DCLK1: variants seen among roughly 807,000 people sequenced by gnomAD.
DCLK1 encodes doublecortin like kinase 1, also known as serine/threonine-protein kinase DCLK1.
A neutral mutation model predicts 86.2 loss-of-function variants in DCLK1; 16 were observed. The ratio of observed to expected loss-of-function variants is 0.19; its 90% CI spans 0.13 to 0.28. DCLK1 has a LOEUF of 0.28. Among genes scored for constraint, DCLK1 ranks in the 10% least tolerant of loss-of-function variants. The pLI, the probability that DCLK1 is intolerant of heterozygous loss-of-function variation, is 1.00. For synonymous variants in DCLK1, 369 were observed against 370.5 expected, an observed-to-expected ratio of 1.00 and a Z score of 0.05; for missense variants, 590 against 940.2, an observed-to-expected ratio of 0.63 and a Z score of 4.87.
chr13:35,895,325 G>C (rs1257518841), intron 4 of DCLK1, among the ~76,000 whole-genome samples: 3 of 151,884 alleles, frequency 2.0e-5, no homozygotes, highest in Non-Finnish European at 4.4e-5. Context: ...TCACTGGATG[G>C]ATTTTAAAGT....
intron 3 of DCLK1, among the ~76,000 whole-genome samples, chr13:35,985,172 C>T (rs560005712): frequency 6.6e-6 from 1 of 152,266 alleles, no homozygotes; most frequent in East Asian, 1.9e-4. Flanking sequence ...GACCTGCTAC[C>T]AGCTCACTTC....
At chr13:35,858,381 C>T (rs1871198681) in intron 5 of DCLK1, among the ~76,000 whole-genome samples, 2 of 152,218 alleles carry the variant, frequency 1.3e-5, no homozygotes, top group African/African-American at 4.8e-5. Context: ...AACATCAGTT[C>T]TGCCATGTAA....
chr13:35,958,129 C>CCA lies in DCLK1; in HGVS notation c.724-10673_724-10672insTG, dbSNP rs1566620576. On this transcript the variant is annotated intron_variant, in intron 3 of 16. Transcript: ENST00000360631. ...ACCACCATCACCACCACCACTACCA[C>CCA]TACTATAACCACCACCACCACCACT... Among the ~76,000 whole-genome samples the CCA allele has an allele frequency of 2.9e-4, 13 of 45,078 alleles. 1 individual carries two copies. Among genetic ancestry groups the CCA allele is most frequent in the African/African-American group, 2.0e-3 (10 of 4,996 alleles). The allele number at this position is 45,078 out of a possible 152,430, so 29.6% of individuals were successfully genotyped here. A position where few individuals can be genotyped will look rare whatever the true frequency, so the allele number is the denominator to read the frequency against.
intron 3 of DCLK1, among the ~76,000 whole-genome samples, chr13:35,981,394 ACCT>A (rs1217077600): frequency 5.9e-5 from 9 of 151,988 alleles, no homozygotes; most frequent in Non-Finnish European, 1.2e-4. Context: ...TTTCCCATAG[ACCT>A]CCTGTCCCCA....
At chr13:35,776,652 G>A (rs1225189471) in intron 16 of DCLK1, among the ~76,000 whole-genome samples, 1 of 152,194 alleles carries the variant, frequency 6.6e-6, no homozygotes, top group Non-Finnish European at 1.5e-5. Flanking sequence ...AAACAGCCAA[G>A]ACTCCCAGAA....
At chr13:35,860,679 C>T (rs1378961099) in intron 5 of DCLK1, among the ~76,000 whole-genome samples, 1 of 152,156 alleles carries the variant, frequency 6.6e-6, no homozygotes. Context: ...TCAACATTTA[C>T]CCAGTAGTTA....
At chr13:36,072,851 G>A (rs77428873) in intron 3 of DCLK1, among the ~76,000 whole-genome samples, 2,852 of 152,192 alleles carry the variant, frequency 0.019, 34 homozygotes, top group Non-Finnish European at 0.029. Flanking sequence ...AGTTTCTATA[G>A]AACTGGAAAT....
Position 36,080,208 on chromosome 13 carries a change from A to C in DCLK1, c.723+31661T>G, listed in dbSNP as rs9602106. On this transcript the variant is annotated intron_variant, in intron 3 of 16. Coordinates refer to ENST00000360631, the MANE Select transcript of DCLK1 (RefSeq NM_001330071.2). ...AGTTAATGAAGAAGGAAGGTGAGAA[A>C]GGAGAGCAAGGCCTAGCTTGTGCGG... 2.6e-3 allele frequency among the ~76,000 whole-genome samples: 397 copies of C among 152,304 alleles called. 1 individual carries two copies. Among genetic ancestry groups the C allele is most frequent in the African/African-American group, 9.0e-3 (373 of 41,558 alleles).
intron 3 of DCLK1, among the ~76,000 whole-genome samples, chr13:35,987,263 A>T (rs1879966408): frequency 6.6e-6 from 1 of 152,120 alleles, no homozygotes; most frequent in African/African-American, 2.4e-5. Flanking sequence ...CTCTACTAAA[A>T]AAAATACAAA....
chr13:35,912,906 T>G (rs1875132228), intron 4 of DCLK1, among the ~76,000 whole-genome samples: 2 of 152,152 alleles, frequency 1.3e-5, no homozygotes, highest in South Asian at 4.1e-4. Context: ...GAGCCCCACC[T>G]GGTCTGGCTG....
At chr13:35,830,370 G>A (rs935991657) in intron 8 of DCLK1, among the ~76,000 whole-genome samples, 27 of 152,094 alleles carry the variant, frequency 1.8e-4, no homozygotes, top group Non-Finnish European at 3.1e-4. Context: ...CAGCCTGGGC[G>A]ACAGAGAAAT....
chr13:36,044,437 T>C (rs886471252), intron 3 of DCLK1, among the ~76,000 whole-genome samples: 31 of 152,168 alleles, frequency 2.0e-4, no homozygotes, highest in African/African-American at 7.2e-4. Context: ...CATTCAACCC[T>C]ACCTAATGCA....
chr13:36,067,889 T>C (rs114510494), intron 3 of DCLK1, among the ~76,000 whole-genome samples: 257 of 152,262 alleles, frequency 1.7e-3, no homozygotes, highest in African/African-American at 6.0e-3. Flanking sequence ...AGAACACTAA[T>C]CTGCTTTGTT....
intron 2 of DCLK1, among the ~76,000 whole-genome samples, chr13:36,118,953 A>G (rs1040111358): frequency 1.3e-5 from 2 of 152,180 alleles, no homozygotes; most frequent in Non-Finnish European, 2.9e-5. Flanking sequence ...TGAAGCAATG[A>G]ATCCCATTCA....
intron 3 of DCLK1, among the ~76,000 whole-genome samples, chr13:36,102,702 A>G (rs945811459): frequency 6.6e-6 from 1 of 152,222 alleles, no homozygotes; most frequent in East Asian, 1.9e-4. Flanking sequence ...GAAAAATGTG[A>G]CTTTTTTTCT....
chr13:35,961,908 G>A (rs768717548), intron 3 of DCLK1, among the ~76,000 whole-genome samples: 3 of 152,048 alleles, frequency 2.0e-5, no homozygotes, highest in South Asian at 4.1e-4. Flanking sequence ...GGTTAAAATC[G>A]TCATACATGA....
At position 35,854,573 on chromosome 13, in the gene DCLK1, G is replaced by A; in HGVS notation, c.961C>T (p.Gln321Ter). The A allele has an allele frequency of 6.3e-7, 1 of 1,599,456 alleles. No homozygotes were observed. The change falls in exon 6 of 17, where the codon CAG (glutamine) becomes TAG (stop). Residue 321 changes from glutamine (Q) to a stop codon, truncating the protein, a stop_gained. Coordinates refer to ENST00000360631, the MANE Select transcript of DCLK1 (RefSeq NM_001330071.2). LOFTEE classifies it high-confidence loss of function. ...TSSVNGTPGS[Q>*]LSTPRSGKSP... is the part of the protein sequence containing the mutation. ...TTGCCTGAGCGCGGAGTAGAGAGCT[G>A]ACTACCAGGGGTTCCATTAACTAGA...
intron 4 of DCLK1, among the ~76,000 whole-genome samples, chr13:35,939,948 A>G (rs986198288): frequency 6.6e-5 from 10 of 152,202 alleles, no homozygotes; most frequent in Admixed American, 5.9e-4. Context: ...GCAATATTTA[A>G]TATTCTGGGT....
intron 4 of DCLK1, among the ~76,000 whole-genome samples, chr13:35,875,032 A>C (rs1872516056): frequency 6.6e-6 from 1 of 152,248 alleles, no homozygotes; most frequent in Admixed American, 6.5e-5. Flanking sequence ...AAAGTTTTGG[A>C]ACTCAAAACC....
Sources: gnomAD v4.1 joint callset for allele counts (sites outside exome capture counted in the v4.1 genomes callset) on GRCh38, gnomAD v4.1.1 for gene constraint, MANE v1.5 for transcripts, NCBI Gene and HGNC (gene_info 2026-07-23, HGNC 2026-07-21) for gene names.